Variants in PECAM1 observed in about 807,000 individuals in gnomAD.
PECAM1 encodes platelet and endothelial cell adhesion molecule 1.
Under a neutral mutation model 13.8 loss-of-function variants are expected in PECAM1, and 8 were observed. The ratio of observed to expected loss-of-function variants is 0.58; its 90% CI spans 0.34 to 1.05. The LOEUF (loss-of-function observed/expected upper bound fraction) is 1.05. PECAM1 is among the 50% of genes least tolerant of loss of function. The probability of loss-of-function intolerance (pLI) is 0.03; values close to 1 mark genes in which losing one functional copy is unlikely to be tolerated. For missense variants in PECAM1, 304 were observed against 141.2 expected (o/e 2.15, Z -5.84); for synonymous variants, 136 against 52.6 (o/e 2.58, Z -6.86).
At chr17:64,390,141 C>T (rs2036684965) in intron 2 of PECAM1, 1 of 280,612 alleles carries the variant, frequency 3.6e-6, no homozygotes, top group African/African-American at 2.2e-5. Context: ...AATTACTTTG[C>T]AACAACCTAA....
rs958033710 is a variant in PECAM1, at chr17:64,323,484, T to C, written c.*332A>G. ...TATGAGGGTGCATGGAAAAGGTCTTTATCTCTGCACAAAACAAAATATTCA... is the reference window on the plus strand; with the variant it reads ...TATGAGGGTGCATGGAAAAGGTCTTCATCTCTGCACAAAACAAAATATTCA... On this transcript the variant is annotated 3_prime_UTR_variant, in exon 16 of 16. Coordinates refer to ENST00000563924, the MANE Select transcript of PECAM1 (RefSeq NM_000442.5). 1.0e-5 allele frequency: 13 copies of C among 1,272,864 alleles called. No individual in the cohort carries two copies. The African/African-American group carries it at 2.0e-4, about 19-fold the overall frequency. The allele number at this position is 1,272,864 out of a possible 1,614,324, so 78.8% of individuals were successfully genotyped here.
intron 14 of PECAM1, among the ~76,000 whole-genome samples, chr17:64,336,443 C>T (rs1324988292): frequency 2.0e-5 from 3 of 152,022 alleles, no homozygotes; most frequent in Non-Finnish European, 4.4e-5. Flanking sequence ...TCCCCCCAGG[C>T]AGAGAGGAGG....
intron 3 of PECAM1, among the ~76,000 whole-genome samples, chr17:64,376,029 C>T (rs922447332): frequency 7.2e-5 from 11 of 151,968 alleles, no homozygotes; most frequent in Non-Finnish European, 1.2e-4. Context: ...TAAGGCCACG[C>T]GAGGTGGCTC....
chr17:64,332,362 C>A lies in PECAM1; in HGVS notation c.2165-2640G>T, dbSNP rs1352005615. Among the ~76,000 whole-genome samples the A allele has an allele frequency of 2.7e-5, 3 of 112,240 alleles. No homozygotes were observed. In the Admixed American group the frequency reaches 3.2e-4, roughly 12 times the overall value. 73.6% of individuals were successfully genotyped at this position (112,240 alleles called of 152,430 possible). On this transcript the variant is annotated intron_variant, in intron 14 of 15. Transcript: ENST00000563924. The stretch of plus-strand genomic sequence containing the variant: ...TCCTAGTCCCCTAAGGGCTCTGGAA[C>A]CTCTTTCCCAACAGCGAAAGAACCT...
chr17:64,377,420 T>C (rs1375678873), intron 3 of PECAM1, among the ~76,000 whole-genome samples: 1 of 152,082 alleles, frequency 6.6e-6, no homozygotes, highest in African/African-American at 2.4e-5. Flanking sequence ...GAGACCAGCC[T>C]GACCAACACA....
At chr17:64,359,997 C>T (rs901088407) in intron 7 of PECAM1, 143 bp downstream of exon 7, 88 of 467,248 alleles carry the variant, frequency 1.9e-4, no homozygotes, top group Admixed American at 1.6e-3. Flanking sequence ...AATGATTCAC[C>T]GGCCTTGGCC....
intron 6 of PECAM1, among the ~76,000 whole-genome samples, chr17:64,361,129 ATGTGTGTGTGTG>A (rs145637288): frequency 1.5e-5 from 2 of 137,176 alleles, no homozygotes; most frequent in Non-Finnish European, 3.1e-5. Flanking sequence ...CTGAGCATAT[ATGTGTGTGTGTG>A]TGTGTGTGTG....
At chr17:64,384,469 T>TA (rs1383525508) in intron 2 of PECAM1, among the ~76,000 whole-genome samples, 1 of 152,122 alleles carries the variant, frequency 6.6e-6, no homozygotes, top group Non-Finnish European at 1.5e-5. Context: ...ACCAACAAAA[T>TA]ACTCCATCAG....
intron 14 of PECAM1, among the ~76,000 whole-genome samples, chr17:64,336,537 A>G (rs2035280597): frequency 1.3e-5 from 2 of 152,226 alleles, no homozygotes; most frequent in African/African-American, 4.8e-5. Context: ...CAGAGAATTT[A>G]GGAGAGAAAT....
chr17:64,327,424 C>T (rs1344905349), intron 15 of PECAM1, among the ~76,000 whole-genome samples: 8 of 152,230 alleles, frequency 5.3e-5, no homozygotes, highest in Admixed American at 4.6e-4. Flanking sequence ...AAGACAGGCT[C>T]ACCCAAAAGA....
chr17:64,383,550 G>A (rs1456078949), intron 2 of PECAM1, among the ~76,000 whole-genome samples: 3 of 152,298 alleles, frequency 2.0e-5, no homozygotes, highest in African/African-American at 4.8e-5. Context: ...GGGGTTCAGA[G>A]AACAGTGAGG....
chr17:64,322,738 T>C lies in PECAM1; in HGVS notation c.*1078A>G, dbSNP rs2034836145. On this transcript the variant is annotated 3_prime_UTR_variant, in exon 16 of 16. Transcript: ENST00000563924. ...ATTTTGTTTTTTGTTTTTTTTGAGA[T>C]GGATTCTCACTCTGTCACTCAGGCT... 1 of 945,986 alleles carries C rather than the reference T, an allele frequency of 1.1e-6. No homozygotes were observed. Among genetic ancestry groups the C allele is most frequent in the East Asian group, 1.2e-4 (1 of 8,616 alleles). The allele number at this position is 945,986 out of a possible 1,614,324, so 58.6% of individuals were successfully genotyped here.
chr17:64,376,772 C>T (rs1432583953), intron 3 of PECAM1, among the ~76,000 whole-genome samples: 2 of 152,096 alleles, frequency 1.3e-5, no homozygotes, highest in African/African-American at 2.4e-5. Context: ...GTTAGGAGTT[C>T]GAGACCAGGC....
intron 13 of PECAM1, among the ~76,000 whole-genome samples, chr17:64,346,750 T>G (rs915941854): frequency 3.3e-5 from 5 of 152,192 alleles, no homozygotes; most frequent in Non-Finnish European, 4.4e-5. Context: ...AGACAGGGAC[T>G]TCCAGGCCAG....
At chr17:64,331,563 C>T (rs28450650) in intron 14 of PECAM1, among the ~76,000 whole-genome samples, 6,145 of 152,308 alleles carry the variant, frequency 0.04, 418 homozygotes, top group African/African-American at 0.14. Context: ...TGGTCCCAAC[C>T]GGATGTCAGC....
chr17:64,337,824 G>A (rs1293802507), intron 14 of PECAM1, among the ~76,000 whole-genome samples: 1 of 151,972 alleles, frequency 6.6e-6, no homozygotes, highest in Non-Finnish European at 1.5e-5. Flanking sequence ...TGCCCCTTTG[G>A]CATAAGGATT....
At chr17:64,338,840 T>C (rs1463396641) in intron 14 of PECAM1, among the ~76,000 whole-genome samples, 1 of 152,236 alleles carries the variant, frequency 6.6e-6, no homozygotes, top group Non-Finnish European at 1.5e-5. Flanking sequence ...ATTACAGGCG[T>C]GAGCCACTGC....
chr17:64,341,812 A>G (rs1598009073), intron 13 of PECAM1, 122 bp from the exon 14 acceptor site: 1 of 401,462 alleles, frequency 2.5e-6, no homozygotes, highest in East Asian at 3.6e-5. Flanking sequence ...GCACCCCACC[A>G]GAACCAGGTC....
intron 13 of PECAM1, among the ~76,000 whole-genome samples, chr17:64,343,002 G>C (rs2035473297): frequency 6.6e-6 from 1 of 152,022 alleles, no homozygotes; most frequent in African/African-American, 2.4e-5. Context: ...GAGGAAACAG[G>C]ATGGAACCTG....
Sources: gnomAD v4.1 joint callset for allele counts (sites outside exome capture counted in the v4.1 genomes callset) on GRCh38, gnomAD v4.1.1 for gene constraint, MANE v1.5 for transcripts, NCBI Gene and HGNC (gene_info 2026-07-23, HGNC 2026-07-21) for gene names.